THSD7B: variants seen among roughly 807,000 people sequenced by gnomAD.
The protein encoded by THSD7B is thrombospondin type 1 domain containing 7B.
THSD7B carries 138 observed loss-of-function variants against 213.6 expected under a neutral mutation model. That is an observed-to-expected ratio of 0.65 (90% CI 0.56 to 0.74). The LOEUF is 0.74. THSD7B is among the 30% of genes least tolerant of loss of function. THSD7B has a pLI of 0.00. For synonymous variants in THSD7B, 742 were observed against 687.0 expected (o/e 1.08, Z -1.25); for missense variants, 1,931 against 1,991.5 (o/e 0.97, Z 0.58).
chr2:137,370,549 A>G (rs1685518656), intron 12 of THSD7B, among the ~76,000 whole-genome samples: 1 of 152,124 alleles, frequency 6.6e-6, no homozygotes, highest in African/African-American at 2.4e-5. Flanking sequence ...GCTCACTGCA[A>G]CCTCTGCCTC....
Position 137,509,734 on chromosome 2 carries a change from A to G in THSD7B, c.3139-53487A>G, listed in dbSNP as rs898159606. Among the ~76,000 whole-genome samples, 7 of 152,294 alleles carry G rather than the reference A, an allele frequency of 4.6e-5. No homozygotes were observed. The East Asian group carries it at 5.8e-4, about 13-fold the overall frequency. On this transcript the variant is annotated intron_variant, in intron 15 of 27. Transcript: ENST00000409968. ...CTACCAAAAGTTTTAGAACATTTCTATTATCCCCCAAATTTTCCCTGTGCC... is the reference window on the plus strand; with the variant it reads ...CTACCAAAAGTTTTAGAACATTTCTGTTATCCCCCAAATTTTCCCTGTGCC...
Position 137,600,078 on chromosome 2 carries a change from C to T in THSD7B, c.3424-16097C>T, listed in dbSNP as rs576996335. ...CATCATCTCTCCCTTTTCTGCTTCC[C>T]CTCCCCAGGGGCACCTGCACACATG... is the stretch of plus-strand genomic sequence containing the variant. On this transcript the variant is annotated intron_variant, in intron 17 of 27. Coordinates refer to ENST00000409968, the MANE Select transcript of THSD7B (RefSeq NM_001316349.2). Among the ~76,000 whole-genome samples the T allele has an allele frequency of 1.3e-3, 192 of 152,240 alleles. 1 individual carries two copies. Among genetic ancestry groups the T allele is most frequent in the African/African-American group, 4.2e-3 (173 of 41,532 alleles).
At chr2:136,831,268 A>G (rs1682751051) in intron 1 of THSD7B, among the ~76,000 whole-genome samples, 1 of 152,160 alleles carries the variant, frequency 6.6e-6, no homozygotes, top group African/African-American at 2.4e-5. Flanking sequence ...AAGATTAAAA[A>G]TAACATACAT....
At chr2:137,319,887 A>G (rs1684225158) in intron 12 of THSD7B, among the ~76,000 whole-genome samples, 1 of 152,088 alleles carries the variant, frequency 6.6e-6, no homozygotes, top group Admixed American at 6.6e-5. Context: ...TCTGGGAAAT[A>G]CCTTTAAATG....
intron 5 of THSD7B, among the ~76,000 whole-genome samples, chr2:137,156,805 G>A (rs1325793728): frequency 6.6e-6 from 1 of 152,180 alleles, no homozygotes; most frequent in Admixed American, 6.5e-5. Context: ...CCTACTGTGT[G>A]CCTGAGAGTT....
chr2:137,054,133 T>A (rs1687117882), intron 2 of THSD7B, among the ~76,000 whole-genome samples: 1 of 152,220 alleles, frequency 6.6e-6, no homozygotes. Context: ...ACCAGAATTG[T>A]GGGTGGCTGA....
At chr2:137,211,338 A>ACACACACACACACACACAGAGG (rs1308144769) in intron 7 of THSD7B, among the ~76,000 whole-genome samples, 8 of 103,046 alleles carry the variant, frequency 7.8e-5, no homozygotes, top group African/African-American at 2.4e-4. Context: ...TCCTACACAC[A>ACACACACACACACACACAGAGG]CACACACACA....
chr2:137,598,460 A>C (rs1428348378), intron 17 of THSD7B, among the ~76,000 whole-genome samples: 2 of 152,224 alleles, frequency 1.3e-5, no homozygotes, highest in East Asian at 3.8e-4. Context: ...CTGTTCACTA[A>C]TTCATAGAAT....
At chr2:137,309,443 CTTAT>C (rs948790867) in intron 12 of THSD7B, among the ~76,000 whole-genome samples, 5 of 151,094 alleles carry the variant, frequency 3.3e-5, no homozygotes, top group African/African-American at 1.2e-4. Context: ...TCCTTATGAA[CTTAT>C]TTGTTTTTTA....
chr2:136,850,581 T>A (rs1047161241), intron 1 of THSD7B, among the ~76,000 whole-genome samples: 10 of 151,932 alleles, frequency 6.6e-5, no homozygotes, highest in African/African-American at 2.4e-4. Flanking sequence ...AAACTTTTTT[T>A]CAGGCTGAAA....
At chr2:137,211,876 G>A (rs2889088) in intron 7 of THSD7B, among the ~76,000 whole-genome samples, 90,764 of 151,960 alleles carry the variant, frequency 0.6, 27,521 homozygotes, top group South Asian at 0.71. Flanking sequence ...AGCCTTTGCT[G>A]TTAGTCTTTC....
At chr2:137,142,788 G>C (rs1488681135) in intron 5 of THSD7B, among the ~76,000 whole-genome samples, 1 of 151,908 alleles carries the variant, frequency 6.6e-6, no homozygotes, top group Non-Finnish European at 1.5e-5. Flanking sequence ...TGACTTGATT[G>C]TTATTTATGT....
intron 15 of THSD7B, among the ~76,000 whole-genome samples, chr2:137,476,751 G>A (rs945383894): frequency 6.6e-5 from 10 of 152,186 alleles, no homozygotes; most frequent in East Asian, 5.8e-4. Flanking sequence ...TGTTGGCCAG[G>A]CTGATTTCGA....
chr2:136,895,181 C>CT (rs1377846871), intron 2 of THSD7B, among the ~76,000 whole-genome samples: 1 of 152,052 alleles, frequency 6.6e-6, no homozygotes, highest in African/African-American at 2.4e-5. Flanking sequence ...TCTTTTGTTT[C>CT]TCTTATATAG....
At position 137,056,888 on chromosome 2, in the gene THSD7B, C is replaced by T; in HGVS notation, c.608C>T (p.Thr203Ile). ...KGCGKKLQHR[T>I]RAVIAPPLFG... ...TGTGGGAAGAAATTGCAGCATAGAACTCGCGCGGTCATAGCTCCCCCTCTC... is the reference window on the plus strand; with the variant it reads ...TGTGGGAAGAAATTGCAGCATAGAATTCGCGCGGTCATAGCTCCCCCTCTC... The change falls in exon 3 of 28, where the codon ACT becomes ATT. Residue 203 changes from threonine to isoleucine, a missense_variant. Thr to Ile is a moderately conservative substitution (Grantham distance 89, BLOSUM62 -1). Transcript: ENST00000409968. 6.2e-7 allele frequency: 1 copy of T among 1,613,920 alleles called. No homozygotes were observed. Among genetic ancestry groups the T allele is most frequent in the Non-Finnish European group, 8.5e-7 (1 of 1,179,884 alleles).
At chr2:137,126,202 G>A (rs557141389) in intron 5 of THSD7B, among the ~76,000 whole-genome samples, 95 of 152,204 alleles carry the variant, frequency 6.2e-4, no homozygotes, top group Admixed American at 3.2e-3. Context: ...TTAGAGCCAG[G>A]CATTGACTTC....
chr2:137,668,811 A>T (rs1431066028), intron 27 of THSD7B, among the ~76,000 whole-genome samples: 1 of 152,230 alleles, frequency 6.6e-6, no homozygotes, highest in Non-Finnish European at 1.5e-5. Flanking sequence ...ATCATAAGGA[A>T]TACAAAATAT....
intron 15 of THSD7B, among the ~76,000 whole-genome samples, chr2:137,546,625 A>T (rs1680746763): frequency 7.0e-6 from 1 of 143,180 alleles, no homozygotes. Flanking sequence ...TGTTTTTTAC[A>T]GAAAATATGG....
At chr2:137,090,189 CTTATTAA>C (rs1446409782) in intron 3 of THSD7B, among the ~76,000 whole-genome samples, 4 of 151,818 alleles carry the variant, frequency 2.6e-5, no homozygotes, top group East Asian at 1.9e-4. Flanking sequence ...AACATTTATA[CTTATTAA>C]TTATTATGTT....
Sources: allele counts gnomAD v4.1 joint callset (sites outside exome capture counted in the v4.1 genomes callset), GRCh38; gene constraint gnomAD v4.1.1; transcripts MANE v1.5; gene names NCBI Gene and HGNC (gene_info 2026-07-23, HGNC 2026-07-21).